The following HIVEP1 variants were observed in gnomAD, a reference collection of about 807,000 sequenced individuals.
The protein encoded by HIVEP1 is zinc finger protein 40.
HIVEP1 carries 36 observed loss-of-function variants against 180.0 expected under a neutral mutation model. That is an observed-to-expected ratio of 0.20 (90% CI 0.15 to 0.26). HIVEP1 has a LOEUF of 0.26. Ranked by LOEUF, HIVEP1 falls within the 10% of genes least tolerant of loss-of-function variation. HIVEP1 has a pLI of 1.00. For missense variants in HIVEP1, 3,143 were observed against 3,268.7 expected, an observed-to-expected ratio of 0.96 and a Z score of 0.94; for synonymous variants, 1,239 against 1,239.0, an observed-to-expected ratio of 1.00 and a Z score of 0.00.
rs184712593 is a variant in HIVEP1, at chr6:12,147,109, A to G, written c.6487+11217A>G. ...AGAGTGTGAATGGGACAGAAAAACA[A>G]GAGAGTTCCACAGGGCCCAAGGCTG... On this transcript the variant is annotated intron_variant, in intron 7 of 8. Coordinates refer to ENST00000379388, the MANE Select transcript of HIVEP1 (RefSeq NM_002114.4). Among the ~76,000 whole-genome samples, 48 of 152,250 alleles carry G rather than the reference A, an allele frequency of 3.2e-4. No individual in the cohort carries two copies. The East Asian group carries it at 6.9e-3, about 22-fold the overall frequency.
chr6:12,179,720 T>C, the HIVEP1 span, among the ~76,000 whole-genome samples: 5 of 152,222 alleles, frequency 3.3e-5, no homozygotes, highest in African/African-American at 1.2e-4. Flanking sequence ...GTAATGTTTT[T>C]TTAAAAAGAA....
intron 2 of HIVEP1, among the ~76,000 whole-genome samples, chr6:12,086,818 C>T (rs1015970459): frequency 7.9e-5 from 12 of 151,856 alleles, no homozygotes; most frequent in African/African-American, 2.2e-4. Flanking sequence ...TTCTCTGTCA[C>T]GGTGAAAAAA....
At chr6:12,108,847 G>C (rs971844836) in intron 3 of HIVEP1, among the ~76,000 whole-genome samples, 1 of 152,250 alleles carries the variant, frequency 6.6e-6, no homozygotes, top group African/African-American at 2.4e-5. Context: ...ACAGTGCAGC[G>C]GTGGGCTGAA....
chr6:12,151,800 C>G (rs1438727200), intron 7 of HIVEP1, among the ~76,000 whole-genome samples: 1 of 152,206 alleles, frequency 6.6e-6, no homozygotes, highest in Non-Finnish European at 1.5e-5. Flanking sequence ...ATGAGCCTGG[C>G]TGTGTTCCAA....
In HIVEP1 at chr6:12,035,023, A is replaced by G. The variant is rs149237008; in HGVS notation, c.40+19355A>G. On this transcript the variant is annotated intron_variant, in intron 2 of 8. Coordinates refer to ENST00000379388, the MANE Select transcript of HIVEP1 (RefSeq NM_002114.4). Reference sequence around the variant, plus strand: ...AAATCAAGCGCTTGGTACCAGATGTATGAAGAGCTACTGACACCTCATGGA... The same window carrying G: ...AAATCAAGCGCTTGGTACCAGATGTGTGAAGAGCTACTGACACCTCATGGA... 9.5e-4 allele frequency among the ~76,000 whole-genome samples: 144 copies of G among 152,370 alleles called. 2 individuals are homozygous for G. In the Middle Eastern group the frequency reaches 0.01, roughly 11 times the overall value.
At chr6:12,176,833 T>A in the HIVEP1 span, among the ~76,000 whole-genome samples, 122 of 152,332 alleles carry the variant, frequency 8.0e-4, no homozygotes, top group African/African-American at 2.8e-3. Context: ...CTTGTTTAAT[T>A]AGATCCCATT....
At chr6:12,059,540 C>A (rs1771097557) in intron 2 of HIVEP1, among the ~76,000 whole-genome samples, 1 of 152,206 alleles carries the variant, frequency 6.6e-6, no homozygotes, top group Admixed American at 6.5e-5. Context: ...GTTACTGTGT[C>A]CATGATCTTG....
At chr6:12,198,693 G>A in the HIVEP1 span, among the ~76,000 whole-genome samples, 3 of 152,154 alleles carry the variant, frequency 2.0e-5, no homozygotes, top group Non-Finnish European at 4.4e-5. Flanking sequence ...TTTAAATAGT[G>A]ATTAAGGAAG....
At chr6:12,167,808 G>C (rs985643147), downstream of HIVEP1, among the ~76,000 whole-genome samples, 4 of 144,650 alleles carry the variant, frequency 2.8e-5, no homozygotes, top group African/African-American at 1.0e-4. Flanking sequence ...ACATGTACAT[G>C]TATAGATGTG....
intron 2 of HIVEP1, among the ~76,000 whole-genome samples, chr6:12,036,918 A>T (rs1561874465): frequency 6.6e-6 from 1 of 152,200 alleles, no homozygotes; most frequent in East Asian, 1.9e-4. Context: ...ACCAAAACCA[A>T]AAACAAACAA....
chr6:12,165,017 CCTT>C (rs1760659873), downstream of HIVEP1: 1 of 402,754 alleles, frequency 2.5e-6, no homozygotes, highest in East Asian at 6.6e-5. Context: ...TTCAGTTGTG[CCTT>C]CTTTATATCA....
chr6:12,169,330 G>T (rs1760838832), downstream of HIVEP1, among the ~76,000 whole-genome samples: 1 of 152,116 alleles, frequency 6.6e-6, no homozygotes, highest in African/African-American at 2.4e-5. Context: ...GCACACACAG[G>T]TTTATCTGGA....
chr6:12,184,426 T>A, the HIVEP1 span, among the ~76,000 whole-genome samples: 1 of 152,216 alleles, frequency 6.6e-6, no homozygotes, highest in African/African-American at 2.4e-5. Context: ...AGACTCAAAC[T>A]TCTCTTCATT....
chr6:12,050,862 A>G (rs1352356289), intron 2 of HIVEP1, among the ~76,000 whole-genome samples: 2 of 151,490 alleles, frequency 1.3e-5, no homozygotes, highest in African/African-American at 4.8e-5. Flanking sequence ...TGTTCTATTG[A>G]TGAAGGTAGA....
intron 6 of HIVEP1, among the ~76,000 whole-genome samples, chr6:12,133,330 T>G (rs1758531200): frequency 2.0e-5 from 3 of 152,320 alleles, no homozygotes; most frequent in Non-Finnish European, 4.4e-5. Context: ...TCACAGAAAA[T>G]TAGACTGCAT....
intron 2 of HIVEP1, among the ~76,000 whole-genome samples, chr6:12,057,152 A>G (rs1486402445): frequency 6.6e-6 from 1 of 152,190 alleles, no homozygotes; most frequent in Admixed American, 6.5e-5. Flanking sequence ...TATATTCTGG[A>G]GCTCTAACTT....
chr6:12,130,954 A>C lies in HIVEP1; in HGVS notation c.6385+12A>C. ...CTTTAAGACTAAAGGTATGAGATGC[A>C]CATTGCTTCAAGGTCCTTTTAATAT... is the stretch of plus-strand genomic sequence containing the variant. On this transcript the variant is annotated intron_variant, in intron 6 of 8. Transcript: ENST00000379388. 6.3e-7 allele frequency: 1 copy of C among 1,579,258 alleles called. No individual in the cohort carries two copies. Among genetic ancestry groups the C allele is most frequent in the African/African-American group, 1.3e-5 (1 of 74,190 alleles).
chr6:12,182,188 C>A, the HIVEP1 span, among the ~76,000 whole-genome samples: 2 of 151,932 alleles, frequency 1.3e-5, no homozygotes, highest in Non-Finnish European at 2.9e-5. Flanking sequence ...AACTAACGCA[C>A]CTAAAAATCA....
intron 2 of HIVEP1, among the ~76,000 whole-genome samples, chr6:12,042,497 G>C (rs1769840715): frequency 6.7e-6 from 1 of 149,708 alleles, no homozygotes; most frequent in Non-Finnish European, 1.5e-5. Flanking sequence ...TTATAGGTGT[G>C]TGCCCCCATA....
Sources: allele counts gnomAD v4.1 joint callset (sites outside exome capture counted in the v4.1 genomes callset), GRCh38; gene constraint gnomAD v4.1.1; transcripts MANE v1.5; gene names NCBI Gene and HGNC (gene_info 2026-07-23, HGNC 2026-07-21).